The following SPPL2B variants were observed in gnomAD, a reference collection of about 807,000 sequenced individuals.
SPPL2B encodes the protein signal peptide peptidase like 2B.
A neutral mutation model predicts 59.7 loss-of-function variants in SPPL2B; 39 were observed. That is an observed-to-expected ratio of 0.65 (90% CI 0.51 to 0.85). The LOEUF (loss-of-function observed/expected upper bound fraction) is 0.85. Ranked by LOEUF, SPPL2B falls within the 40% of genes least tolerant of loss-of-function variation. The pLI is 0.00. For missense variants in SPPL2B, 865 were observed against 849.0 expected (o/e 1.02, Z -0.23); for synonymous variants, 419 against 370.8 (o/e 1.13, Z -1.49).
In SPPL2B at chr19:2,339,145, T is replaced by C. The variant is rs1331235302; in HGVS notation, c.536T>C (p.Phe179Ser). ...PVLDYNMVII[F>S]IMAVGTVAIG... is the part of the protein sequence containing the mutation. ...CTGGACTACAACATGGTCATCATCTTCATCATGGCTGTGGGCACCGTCGCC... is the reference window on the plus strand; with the variant it reads ...CTGGACTACAACATGGTCATCATCTCCATCATGGCTGTGGGCACCGTCGCC... Residue 179 changes from phenylalanine (F) to serine (S), a missense_variant, in exon 5 of 15, where the codon TTC becomes TCC. Coordinates refer to ENST00000613503, the MANE Select transcript of SPPL2B (RefSeq NM_152988.3). 1.3e-6 allele frequency: 2 copies of C among 1,598,284 alleles called. No individual in the cohort carries two copies. Among genetic ancestry groups the C allele is most frequent in the Non-Finnish European group, 1.7e-6 (2 of 1,172,554 alleles).
chr19:2,341,650 A>G (rs771359358), intron 8 of SPPL2B: 80 of 455,094 alleles, frequency 1.8e-4, no homozygotes, highest in Non-Finnish European at 3.1e-4. Flanking sequence ...GAGGCAGCCA[A>G]GTACGCTTGG....
chr19:2,345,139 G>C, intron 12 of SPPL2B, 114 bp from the exon 13 acceptor site: 1 of 742,414 alleles, frequency 1.3e-6, no homozygotes, highest in Non-Finnish European at 2.3e-6. Context: ...GCAGCCACCA[G>C]GCAGCGAGAG....
In SPPL2B at chr19:2,344,969, G is replaced by A. The variant is rs1385303367; in HGVS notation, c.1277-284G>A. Among the ~76,000 whole-genome samples the A allele has an allele frequency of 2.0e-5, 3 of 152,134 alleles. No homozygotes were observed. The East Asian group carries it at 5.8e-4, about 29-fold the overall frequency. ...TCCCGGGTCCCAGTGAGCTCATGTT[G>A]CTGCAGAAGGCAGAGACTGTACCCT... On this transcript the variant is annotated intron_variant, in intron 12 of 14. Coordinates refer to ENST00000613503, the MANE Select transcript of SPPL2B (RefSeq NM_152988.3).
intron 2 of SPPL2B, 134 bp from the exon 3 acceptor site, chr19:2,337,308 TG>T (rs1968707167): frequency 2.5e-6 from 2 of 795,816 alleles, no homozygotes; most frequent in Non-Finnish European, 3.9e-6. Context: ...TCTGCCTAGG[TG>T]GGCCGAGGCC....
At chr19:2,338,989 CCCCACAG>C (rs1968834131) in intron 4 of SPPL2B, 73 bp from the exon 5 acceptor site, 3 of 1,507,944 alleles carry the variant, frequency 2.0e-6, no homozygotes, top group African/African-American at 1.4e-5. Flanking sequence ...CCAGCCCCAG[CCCCACAG>C]CCCACAGCTG....
intron 10 of SPPL2B, 102 bp downstream of exon 10, chr19:2,344,141 GC>G: frequency 4.5e-6 from 2 of 445,196 alleles, no homozygotes; most frequent in Non-Finnish European, 7.4e-6. Context: ...CCCTCGTCCC[GC>G]CCCCTCGTCC....
Position 2,348,188 on chromosome 19 carries a change from G to A in SPPL2B, c.1354+2858G>A, listed in dbSNP as rs190768902. On this transcript the variant is annotated intron_variant, in intron 13 of 14. Coordinates refer to ENST00000613503, the MANE Select transcript of SPPL2B (RefSeq NM_152988.3). ...TCCACACACACTCGCGCTCTCATTCGCTTGATTCCGTTCTCTCTCCACACA... is the reference window on the plus strand; with the variant it reads ...TCCACACACACTCGCGCTCTCATTCACTTGATTCCGTTCTCTCTCCACACA... 8.2e-5 allele frequency among the ~76,000 whole-genome samples: 8 copies of A among 97,856 alleles called. 1 individual carries two copies. In the East Asian group the frequency reaches 1.7e-3, roughly 21 times the overall value. The allele number at this position is 97,856 out of a possible 152,430, so 64.2% of individuals were successfully genotyped here. A position where few individuals can be genotyped will look rare whatever the true frequency, so the allele number is the denominator to read the frequency against.
In SPPL2B at chr19:2,328,722, G is replaced by GTGGCGGCTGCGC; in HGVS notation, c.19_30dup (p.Ala7_Ala10dup). On this transcript the variant is annotated inframe_insertion, in exon 1 of 15. Transcript: ENST00000613503. ...GGCACCGGCCGACATGGCGGCAGCG[G>GTGGCGGCTGCGC]TGGCGGCTGCGCTGGCGCGGCTTTT... 1.4e-6 allele frequency: 2 copies of GTGGCGGCTGCGC among 1,452,654 alleles called. No individual in the cohort carries two copies. Among genetic ancestry groups the GTGGCGGCTGCGC allele is most frequent in the South Asian group, 2.8e-5 (2 of 72,464 alleles). The allele number at this position is 1,452,654 out of a possible 1,614,324, so 90.0% of individuals were successfully genotyped here.
In SPPL2B at chr19:2,330,394, C is replaced by T. The variant is rs3829683; in HGVS notation, c.66+1619C>T. On this transcript the variant is annotated intron_variant, in intron 1 of 14. Coordinates refer to ENST00000613503, the MANE Select transcript of SPPL2B (RefSeq NM_152988.3). Reference sequence around the variant, plus strand: ...CCACCCAAAGTGCTGGGATGACAGGCGTGAGCCACCGTGCCCGGCCCCGAG... The same window carrying T: ...CCACCCAAAGTGCTGGGATGACAGGTGTGAGCCACCGTGCCCGGCCCCGAG... 400 of 151,892 alleles carry T rather than the reference C, an allele frequency of 2.6e-3. 14 individuals are homozygous for T. In the East Asian group the frequency reaches 0.068, roughly 26 times the overall value. 9.4% of individuals were successfully genotyped at this position (151,892 alleles called of 1,614,324 possible).
intron 8 of SPPL2B, chr19:2,341,787 C>T (rs943134560): frequency 1.5e-4 from 55 of 367,786 alleles, no homozygotes; most frequent in South Asian, 8.0e-4. Flanking sequence ...AAACTCGCTC[C>T]GTCACATGAA....
chr19:2,340,310 T>A, intron 7 of SPPL2B, 138 bp downstream of exon 7: 1 of 719,934 alleles, frequency 1.4e-6, no homozygotes, highest in Admixed American at 3.0e-5. Flanking sequence ...GGCCTGGGGC[T>A]CCTAGGCCCA....
At chr19:2,341,682 C>T (rs970577728) in intron 8 of SPPL2B, 8 of 426,918 alleles carry the variant, frequency 1.9e-5, no homozygotes, top group East Asian at 7.4e-5. Flanking sequence ...ATTGGAGCCA[C>T]GGCACGTTTA....
At chr19:2,345,420 A>G in intron 13 of SPPL2B, 90 bp downstream of exon 13, 1 of 1,064,196 alleles carries the variant, frequency 9.4e-7, no homozygotes, top group East Asian at 2.4e-5. Context: ...CCTAACCCCA[A>G]CCCCAACCCT....
At chr19:2,352,163 T>G (rs1197768940) in intron 14 of SPPL2B, among the ~76,000 whole-genome samples, 1 of 151,982 alleles carries the variant, frequency 6.6e-6, no homozygotes, top group Non-Finnish European at 1.5e-5. Flanking sequence ...TTGTGATTTT[T>G]TGTGAACAGG....
At chr19:2,334,523 C>A in intron 1 of SPPL2B, 79 bp from the exon 2 acceptor site, 1 of 1,521,662 alleles carries the variant, frequency 6.6e-7, no homozygotes, top group Non-Finnish European at 8.8e-7. Context: ...GTCCTCCCCT[C>A]CTCGGGCCTG....
At chr19:2,334,767 G>T in intron 2 of SPPL2B, 46 bp downstream of exon 2, 3 of 1,478,110 alleles carry the variant, frequency 2.0e-6, no homozygotes, top group Non-Finnish European at 2.7e-6. Flanking sequence ...GAATGCGGGG[G>T]CCCCGGGGCT....
In SPPL2B at chr19:2,350,204, C is replaced by T. The variant is rs1185338880; in HGVS notation, c.1355-1230C>T. The stretch of plus-strand genomic sequence containing the variant: ...ATTCCGTTCTCTCTCCACACACACT[C>T]GTGCTCTCATTGGCTTGATTCCGTT... On this transcript the variant is annotated intron_variant, in intron 13 of 14. Coordinates refer to ENST00000613503, the MANE Select transcript of SPPL2B (RefSeq NM_152988.3). 2.7e-5 allele frequency among the ~76,000 whole-genome samples: 4 copies of T among 148,978 alleles called. 1 individual carries two copies. The highest frequency in any genetic ancestry group is 4.0e-4 in the East Asian group (2 of 5,012).
Position 2,353,676 on chromosome 19 carries a change from T to C in SPPL2B, c.*467T>C. 1 of 164,644 alleles carries C rather than the reference T, an allele frequency of 6.1e-6. No individual in the cohort carries two copies. The highest frequency in any genetic ancestry group is 1.3e-5 in the Non-Finnish European group (1 of 75,746). 10.2% of individuals were successfully genotyped at this position (164,644 alleles called of 1,614,324 possible). A position where few individuals can be genotyped will look rare whatever the true frequency, so the allele number is the denominator to read the frequency against. ...TCTCCCAGAAGGCATCGCTTTTCCCTCTTGAGCAGATCGGAGCCCCTGGGA... is the reference window on the plus strand; with the variant it reads ...TCTCCCAGAAGGCATCGCTTTTCCCCCTTGAGCAGATCGGAGCCCCTGGGA... On this transcript the variant is annotated 3_prime_UTR_variant, in exon 15 of 15. Transcript: ENST00000613503.
intron 1 of SPPL2B, 43 bp downstream of exon 1, chr19:2,328,818 C>G: frequency 7.5e-7 from 1 of 1,335,242 alleles, no homozygotes; most frequent in Non-Finnish European, 9.6e-7. Context: ...GGCTGCGGCC[C>G]TTCGGCCTCT....
Sources: gnomAD v4.1 joint callset for allele counts (sites outside exome capture counted in the v4.1 genomes callset) on GRCh38, gnomAD v4.1.1 for gene constraint, MANE v1.5 for transcripts, NCBI Gene and HGNC (gene_info 2026-07-23, HGNC 2026-07-21) for gene names.